UGT1A4: variants seen among roughly 807,000 people sequenced by gnomAD.
UGT1A4 encodes the protein UDP-glucuronosyltransferase 1A4.
UGT1A4 carries 32 observed loss-of-function variants against 41.1 expected under a neutral mutation model. The ratio of observed to expected loss-of-function variants is 0.78; its 90% CI spans 0.59 to 1.05. UGT1A4 has a LOEUF of 1.05. Ranked by LOEUF, UGT1A4 falls within the 50% of genes least tolerant of loss-of-function variation. The pLI, the probability that UGT1A4 is intolerant of heterozygous loss-of-function variation, is 0.00. For missense variants in UGT1A4, 748 were observed against 677.4 expected (o/e 1.10, Z -1.16); for synonymous variants, 283 against 265.1 (o/e 1.07, Z -0.66).
At chr2:233,721,606 C>T (rs1043491978) in intron 1 of UGT1A4, 10 of 177,852 alleles carry the variant, frequency 5.6e-5, no homozygotes, top group Middle Eastern at 2.3e-3. Flanking sequence ...GGTTTAGGAA[C>T]AATTTGTTCC....
At chr2:233,743,804 T>C (rs1692519610) in intron 1 of UGT1A4, 4 of 1,367,166 alleles carry the variant, frequency 2.9e-6, no homozygotes, top group Non-Finnish European at 2.9e-6. Context: ...TTCCTCCTTG[T>C]TCTCAGGGTT....
At chr2:233,738,254 G>A (rs1281964200) in intron 1 of UGT1A4, among the ~76,000 whole-genome samples, 3 of 152,180 alleles carry the variant, frequency 2.0e-5, no homozygotes, top group Admixed American at 1.3e-4. Context: ...TGGAACTGGA[G>A]TCAATTAAAG....
chr2:233,737,327 G>A (rs1317799063), intron 1 of UGT1A4, among the ~76,000 whole-genome samples: 4 of 152,258 alleles, frequency 2.6e-5, no homozygotes, highest in African/African-American at 4.8e-5. Flanking sequence ...TGCACTAGCA[G>A]TGAGCAAGGC....
chr2:233,748,170 T>G (rs1693885093), intron 1 of UGT1A4: 10 of 1,590,430 alleles, frequency 6.3e-6, no homozygotes, highest in Non-Finnish European at 8.6e-6. Flanking sequence ...TATCTACTTA[T>G]CTTTCTGGTG....
chr2:233,721,021 C>T (rs914413376), intron 1 of UGT1A4, among the ~76,000 whole-genome samples: 6 of 152,026 alleles, frequency 3.9e-5, no homozygotes, highest in Non-Finnish European at 8.8e-5. Context: ...AGGGAGCCAT[C>T]TTTCTTGTGA....
intron 1 of UGT1A4, chr2:233,754,873 T>C (rs763585549): frequency 7.4e-7 from 1 of 1,352,606 alleles, no homozygotes; most frequent in Non-Finnish European, 9.9e-7. Flanking sequence ...CCTCTGCTTC[T>C]GCTTCCCAGG....
chr2:233,770,590 G>A (rs1203955957), intron 4 of UGT1A4: 2 of 151,878 alleles, frequency 1.3e-5, no homozygotes, highest in Non-Finnish European at 2.9e-5. Flanking sequence ...CCTGAGAGGC[G>A]GAGGTTGCAG....
chr2:233,748,538 A>C (rs879259422), intron 1 of UGT1A4, among the ~76,000 whole-genome samples: 4 of 151,868 alleles, frequency 2.6e-5, no homozygotes, highest in Admixed American at 2.6e-4. Context: ...AGGTGACCAC[A>C]GGAGACCTAA....
At chr2:233,753,955 A>G (rs892608608) in intron 1 of UGT1A4, among the ~76,000 whole-genome samples, 11 of 152,214 alleles carry the variant, frequency 7.2e-5, no homozygotes, top group Non-Finnish European at 1.6e-4. Context: ...CCTCCAAAAT[A>G]TTAAGAGAAT....
chr2:233,727,661 T>A (rs1292890743), intron 1 of UGT1A4, among the ~76,000 whole-genome samples: 1 of 152,208 alleles, frequency 6.6e-6, no homozygotes, highest in Non-Finnish European at 1.5e-5. Flanking sequence ...TAGTGCTCTA[T>A]GTCCTTACAA....
chr2:233,732,909 C>T (rs2078335014), intron 1 of UGT1A4, among the ~76,000 whole-genome samples: 1 of 152,070 alleles, frequency 6.6e-6, no homozygotes, highest in African/African-American at 2.4e-5. Context: ...GCAGTATGGC[C>T]ATTTTCACGA....
At chr2:233,741,946 A>T (rs1293176575) in intron 1 of UGT1A4, 1 of 151,876 alleles carries the variant, frequency 6.6e-6, no homozygotes, top group Non-Finnish European at 1.5e-5. Flanking sequence ...TGCCAACAGA[A>T]AGGTACTTTC....
At chr2:233,760,463 T>C in intron 1 of UGT1A4, 1 of 1,614,204 alleles carries the variant, frequency 6.2e-7, no homozygotes, top group Non-Finnish European at 8.5e-7. Context: ...GAAATAGTTG[T>C]CCTAGCACCT....
At position 233,724,416 on chromosome 2, in the gene UGT1A4, G is replaced by A. The variant is rs1457197643; in HGVS notation, c.867+4729G>A. 2.3e-4 allele frequency among the ~76,000 whole-genome samples: 32 copies of A among 137,862 alleles called. 2 individuals are homozygous for A. The highest frequency in any genetic ancestry group is 1.2e-3 in the East Asian group (5 of 4,238). 90.4% of individuals were successfully genotyped at this position (137,862 alleles called of 152,430 possible). A position where few individuals can be genotyped will look rare whatever the true frequency, so the allele number is the denominator to read the frequency against. ...TCACTTCCCAGATGGGGTGGCTGCC[G>A]GGCGGAGAGGCTCCTCACTTCTCAG... On this transcript the variant is annotated intron_variant, in intron 1 of 4. Coordinates refer to ENST00000373409, the MANE Select transcript of UGT1A4 (RefSeq NM_007120.3).
At chr2:233,735,004 G>A (rs1486345884) in intron 1 of UGT1A4, among the ~76,000 whole-genome samples, 1 of 152,208 alleles carries the variant, frequency 6.6e-6, no homozygotes, top group Non-Finnish European at 1.5e-5. Flanking sequence ...ACTTAGGGTG[G>A]AGAGTTCTGT....
At chr2:233,738,677 A>G (rs1328958529) in intron 1 of UGT1A4, among the ~76,000 whole-genome samples, 1 of 152,198 alleles carries the variant, frequency 6.6e-6, no homozygotes, top group African/African-American at 2.4e-5. Context: ...AGATGATCTG[A>G]AATTGGAACT....
intron 1 of UGT1A4, among the ~76,000 whole-genome samples, chr2:233,754,083 T>G (rs950704601): frequency 2.0e-5 from 3 of 152,238 alleles, no homozygotes; most frequent in Non-Finnish European, 4.4e-5. Flanking sequence ...TAACCTTTTA[T>G]CTAAATAATG....
At chr2:233,724,520 T>A (rs200973045) in intron 1 of UGT1A4, among the ~76,000 whole-genome samples, 1 of 103,540 alleles carries the variant, frequency 9.7e-6, no homozygotes, top group African/African-American at 4.1e-5. Flanking sequence ...ACCTCCCAGA[T>A]GGGGTCTCGC....
intron 1 of UGT1A4, among the ~76,000 whole-genome samples, chr2:233,724,570 G>T (rs1305921166): frequency 1.6e-5 from 2 of 128,200 alleles, no homozygotes; most frequent in Non-Finnish European, 3.3e-5. Flanking sequence ...GGGGCGGCGG[G>T]GCAGAGGCGC....
Sources: allele counts gnomAD v4.1 joint callset (sites outside exome capture counted in the v4.1 genomes callset), GRCh38; gene constraint gnomAD v4.1.1; transcripts MANE v1.5; gene names NCBI Gene and HGNC (gene_info 2026-07-23, HGNC 2026-07-21).